Variants in STK33 observed in about 807,000 individuals in gnomAD.
The protein encoded by STK33 is serine/threonine-protein kinase 33.
Under a neutral mutation model 58.0 loss-of-function variants are expected in STK33, and 52 were observed. The observed-to-expected ratio is 0.90, with a 90% CI of 0.72 to 1.13. The LOEUF (loss-of-function observed/expected upper bound fraction) is 1.13, where lower values mean the gene tolerates loss of function less well. STK33 is among the 50% of genes most tolerant of loss of function. STK33 has a pLI of 0.00. For synonymous variants in STK33, 215 were observed against 200.1 expected, an observed-to-expected ratio of 1.07 and a Z score of -0.63; for missense variants, 630 against 604.2, an observed-to-expected ratio of 1.04 and a Z score of -0.45.
intron 1 of STK33, among the ~76,000 whole-genome samples, chr11:8,562,079 C>T (rs1377452753): frequency 6.6e-6 from 1 of 152,028 alleles, no homozygotes; most frequent in Non-Finnish European, 1.5e-5. Context: ...TTCTATGTTC[C>T]CCTTCAATTT....
chr11:8,429,111 C>A (rs1016297087), intron 14 of STK33, among the ~76,000 whole-genome samples: 2 of 151,904 alleles, frequency 1.3e-5, no homozygotes, highest in African/African-American at 4.8e-5. Context: ...GAATGAATAA[C>A]CTAGTTTCTG....
In STK33 at chr11:8,474,681, C is replaced by G; in HGVS notation, c.225G>C (p.Leu75Phe). The part of the protein sequence containing the change: ...INRDITSRKD[L>F]PSRTSNVERK... The stretch of plus-strand genomic sequence containing the variant: ...TAGATGTGGAATCTTTGATATTTAC[C>G]AAATCTTTCCTGGAGGTTATATCTC... Residue 75 changes from leucine to phenylalanine, a missense_variant and splice_region_variant, in exon 5 of 16, where the codon TTG (leucine) becomes TTC (phenylalanine). By Grantham distance (22) the Leu-to-Phe change is conservative (BLOSUM62 0). Coordinates refer to ENST00000687296, the MANE Select transcript of STK33 (RefSeq NM_001352389.2). 1.3e-6 allele frequency: 2 copies of G among 1,597,266 alleles called. No individual in the cohort carries two copies. Among genetic ancestry groups the G allele is most frequent in the South Asian group, 2.3e-5 (2 of 87,680 alleles).
chr11:8,455,770 C>G lies in STK33; in HGVS notation c.698-938G>C, dbSNP rs1293231440. On this transcript the variant is annotated intron_variant, in intron 9 of 15. Coordinates refer to ENST00000687296, the MANE Select transcript of STK33 (RefSeq NM_001352389.2). Reference sequence around the variant, plus strand: ...AGCTTGCAGTGAGCCGAGATCGTGTCACTGCACTCCAGCCTGGGTAACAGA... The same window carrying G: ...AGCTTGCAGTGAGCCGAGATCGTGTGACTGCACTCCAGCCTGGGTAACAGA... Among the ~76,000 whole-genome samples, 16 of 131,268 alleles carry G rather than the reference C, an allele frequency of 1.2e-4. No individual in the cohort carries two copies. The Admixed American group carries it at 1.4e-3, about 12-fold the overall frequency. The allele number at this position is 131,268 out of a possible 152,430, so 86.1% of individuals were successfully genotyped here.
chr11:8,464,219 A>T (rs902387944), intron 7 of STK33, among the ~76,000 whole-genome samples: 2 of 152,198 alleles, frequency 1.3e-5, no homozygotes, highest in African/African-American at 4.8e-5. Flanking sequence ...TGCAGCAGAT[A>T]AAAGAGTATA....
At chr11:8,477,183 T>C (rs1949365333) in intron 3 of STK33, 67 bp downstream of exon 3, 1 of 133,294 alleles carries the variant, frequency 7.5e-6, no homozygotes. Flanking sequence ...CACATACACA[T>C]CTCTTATAAA....
chr11:8,337,178 T>C, the STK33 span, among the ~76,000 whole-genome samples: 1 of 152,226 alleles, frequency 6.6e-6, no homozygotes, highest in Non-Finnish European at 1.5e-5. Flanking sequence ...CTGAGAGTTA[T>C]TGAGGCACAA....
chr11:8,510,806 T>C (rs1952254675), intron 1 of STK33, among the ~76,000 whole-genome samples: 1 of 152,180 alleles, frequency 6.6e-6, no homozygotes, highest in Non-Finnish European at 1.5e-5. Context: ...GAAGGTCAGT[T>C]GGCTATAAGT....
intron 1 of STK33, among the ~76,000 whole-genome samples, chr11:8,519,199 G>T (rs190213516): frequency 2.0e-5 from 3 of 152,116 alleles, no homozygotes; most frequent in Admixed American, 6.5e-5. Context: ...ACTCAAAACC[G>T]CTCAACTACA....
intron 1 of STK33, among the ~76,000 whole-genome samples, chr11:8,518,724 A>G (rs1352272069): frequency 1.3e-5 from 2 of 152,234 alleles, no homozygotes; most frequent in African/African-American, 2.4e-5. Context: ...TTAAACCAAC[A>G]AAGATCAAAA....
chr11:8,357,539 T>C, the STK33 span, among the ~76,000 whole-genome samples: 2 of 152,344 alleles, frequency 1.3e-5, no homozygotes, highest in African/African-American at 2.4e-5. Flanking sequence ...CCGGGCATAA[T>C]TGGGCTCCTA....
intron 1 of STK33, among the ~76,000 whole-genome samples, chr11:8,544,040 T>C (rs570577881): frequency 6.6e-6 from 1 of 152,214 alleles, no homozygotes; most frequent in African/African-American, 2.4e-5. Context: ...CTTTAAGTTC[T>C]GGGATATATG....
At position 8,513,962 on chromosome 11, in the gene STK33, C is replaced by T. The variant is rs1055072351; in HGVS notation, c.-465-33348G>A. 2.0e-5 allele frequency among the ~76,000 whole-genome samples: 3 copies of T among 152,112 alleles called. No homozygotes were observed. In the South Asian group the frequency reaches 6.2e-4, roughly 31 times the overall value. On this transcript the variant is annotated intron_variant, in intron 1 of 15. Coordinates refer to ENST00000687296, the MANE Select transcript of STK33 (RefSeq NM_001352389.2). ...CCACCCCCACTTCCCCACCCCACCCCACACCACTACGCTTTCCAGCTCTGG... is the reference window on the plus strand; with the variant it reads ...CCACCCCCACTTCCCCACCCCACCCTACACCACTACGCTTTCCAGCTCTGG...
intron 11 of STK33, among the ~76,000 whole-genome samples, chr11:8,441,457 T>C (rs570062643): frequency 1.3e-5 from 2 of 152,202 alleles, no homozygotes; most frequent in South Asian, 4.1e-4. Flanking sequence ...GTTCAAGGTA[T>C]CATCCCACCG....
At chr11:8,492,102 C>T (rs943237541) in intron 1 of STK33, among the ~76,000 whole-genome samples, 1 of 152,070 alleles carries the variant, frequency 6.6e-6, no homozygotes, top group Non-Finnish European at 1.5e-5. Context: ...CAATATTAAC[C>T]TTAAATGTAA....
intron 1 of STK33, among the ~76,000 whole-genome samples, chr11:8,565,082 G>A (rs973353585): frequency 1.1e-4 from 17 of 152,200 alleles, no homozygotes; most frequent in African/African-American, 3.6e-4. Flanking sequence ...GGGCATCTCC[G>A]GGAGTGTCAT....
chr11:8,510,529 G>T (rs1163886773), intron 1 of STK33, among the ~76,000 whole-genome samples: 4 of 151,858 alleles, frequency 2.6e-5, no homozygotes, highest in Admixed American at 6.6e-5. Context: ...ATTTATTTTT[G>T]TTCTCGTTGC....
At chr11:8,543,962 T>A (rs1955714220) in intron 1 of STK33, among the ~76,000 whole-genome samples, 1 of 152,210 alleles carries the variant, frequency 6.6e-6, no homozygotes, top group South Asian at 2.1e-4. Flanking sequence ...ATGTGATTTT[T>A]TAAATAGTAA....
intron 8 of STK33, among the ~76,000 whole-genome samples, chr11:8,457,726 A>G (rs976311688): frequency 4.7e-4 from 72 of 152,210 alleles, no homozygotes; most frequent in African/African-American, 1.6e-3. Context: ...AATGGCCCCA[A>G]ATGCCATAGA....
At chr11:8,442,124 G>C (rs1440646804) in intron 11 of STK33, among the ~76,000 whole-genome samples, 2 of 151,632 alleles carry the variant, frequency 1.3e-5, no homozygotes, top group African/African-American at 4.9e-5. Flanking sequence ...CCTCTGCCTA[G>C]TGTTAAAGAG....
Sources: gnomAD v4.1 joint callset for allele counts (sites outside exome capture counted in the v4.1 genomes callset) on GRCh38, gnomAD v4.1.1 for gene constraint, MANE v1.5 for transcripts, NCBI Gene and HGNC (gene_info 2026-07-23, HGNC 2026-07-21) for gene names.